Variants in GLIS3 observed in about 807,000 individuals in gnomAD.
GLIS3 encodes the protein GLIS family zinc finger 3.
GLIS3 carries 53 observed loss-of-function variants against 78.6 expected under a neutral mutation model. The ratio of observed to expected loss-of-function variants is 0.67; its 90% CI spans 0.54 to 0.85. The LOEUF is 0.85. GLIS3 is among the 40% of genes least tolerant of loss of function. The pLI is 0.00. For missense variants in GLIS3, 1,703 were observed against 1,231.1 expected, an observed-to-expected ratio of 1.38 and a Z score of -5.74; for synonymous variants, 684 against 509.9, an observed-to-expected ratio of 1.34 and a Z score of -4.60.
chr9:4,073,143 G>A (rs1038992805), intron 4 of GLIS3, among the ~76,000 whole-genome samples: 2 of 152,068 alleles, frequency 1.3e-5, no homozygotes, highest in African/African-American at 4.8e-5. Context: ...TTGCACGCCT[G>A]TTCCTCAAAC....
intron 2 of GLIS3, among the ~76,000 whole-genome samples, chr9:4,222,072 A>C (rs969480746): frequency 2.0e-5 from 3 of 152,146 alleles, no homozygotes; most frequent in Non-Finnish European, 4.4e-5. Context: ...ATCCAGATTT[A>C]TCTGGTTTTG....
chr9:4,140,109 A>T (rs978910555), intron 2 of GLIS3, among the ~76,000 whole-genome samples: 1 of 152,212 alleles, frequency 6.6e-6, no homozygotes, highest in Non-Finnish European at 1.5e-5. Context: ...AGATCGCTTG[A>T]GCTCTGGAGT....
At chr9:4,408,105 C>T in the GLIS3 span, among the ~76,000 whole-genome samples, 215 of 152,176 alleles carry the variant, frequency 1.4e-3, no homozygotes, top group African/African-American at 4.9e-3. Context: ...TTATCCAAGT[C>T]AGGCAATAAC....
chr9:4,085,877 C>T (rs1828980891), intron 4 of GLIS3, among the ~76,000 whole-genome samples: 1 of 152,170 alleles, frequency 6.6e-6, no homozygotes, highest in African/African-American at 2.4e-5. Context: ...AAGCACATGC[C>T]ACTATGCTTC....
At chr9:4,184,632 T>C (rs1817609754) in intron 2 of GLIS3, among the ~76,000 whole-genome samples, 1 of 152,202 alleles carries the variant, frequency 6.6e-6, no homozygotes, top group Non-Finnish European at 1.5e-5. Context: ...CCCAGGTTGG[T>C]ACTTCATGTA....
At chr9:3,906,350 C>A (rs1330009712) in intron 6 of GLIS3, among the ~76,000 whole-genome samples, 1 of 152,106 alleles carries the variant, frequency 6.6e-6, no homozygotes, top group East Asian at 1.9e-4. Flanking sequence ...CTTGAGGGAA[C>A]CAGAGGGGGT....
intron 2 of GLIS3, among the ~76,000 whole-genome samples, chr9:4,189,651 G>A (rs1455438055): frequency 1.3e-5 from 2 of 152,142 alleles, no homozygotes; most frequent in East Asian, 3.9e-4. Flanking sequence ...AGGTCACTCA[G>A]GACTTGCTTT....
At chr9:4,100,670 A>C (rs920700846) in intron 4 of GLIS3, among the ~76,000 whole-genome samples, 2 of 152,132 alleles carry the variant, frequency 1.3e-5, no homozygotes, top group Non-Finnish European at 2.9e-5. Context: ...GACTCAGTTG[A>C]CTGTTTCTAC....
At chr9:4,431,045 C>A in the GLIS3 span, among the ~76,000 whole-genome samples, 3 of 152,220 alleles carry the variant, frequency 2.0e-5, no homozygotes, top group Admixed American at 6.5e-5. Flanking sequence ...TCAGTTGAAT[C>A]CCAACCAAGT....
chr9:4,383,919 T>G, the GLIS3 span, among the ~76,000 whole-genome samples: 1 of 152,138 alleles, frequency 6.6e-6, no homozygotes, highest in Non-Finnish European at 1.5e-5. Flanking sequence ...AGCTAGGTGG[T>G]CCTAGAGAGA....
At chr9:4,067,143 G>C (rs1827170197) in intron 4 of GLIS3, among the ~76,000 whole-genome samples, 1 of 145,864 alleles carries the variant, frequency 6.9e-6, no homozygotes, top group South Asian at 2.2e-4. Flanking sequence ...CATTCATGTA[G>C]ACTTAGAATC....
chr9:4,418,001 G>C, the GLIS3 span, among the ~76,000 whole-genome samples: 2 of 152,070 alleles, frequency 1.3e-5, no homozygotes, highest in Admixed American at 1.3e-4. Flanking sequence ...AGCATTCCTG[G>C]CTCCTGTCCA....
chr9:4,396,919 G>A, the GLIS3 span, among the ~76,000 whole-genome samples: 2 of 151,898 alleles, frequency 1.3e-5, no homozygotes, highest in Admixed American at 6.6e-5. Context: ...CGTGTTTTCT[G>A]GGAAAACGCC....
intron 2 of GLIS3, among the ~76,000 whole-genome samples, chr9:4,166,973 C>G (rs182082055): frequency 5.7e-4 from 87 of 152,300 alleles, no homozygotes; most frequent in Admixed American, 2.0e-3. Flanking sequence ...TTGCGAACAA[C>G]TCCAAAAATC....
At chr9:4,099,711 C>A (rs1362220041) in intron 4 of GLIS3, among the ~76,000 whole-genome samples, 1 of 152,154 alleles carries the variant, frequency 6.6e-6, no homozygotes, top group Non-Finnish European at 1.5e-5. Flanking sequence ...AACTTAATTT[C>A]TATTGGTTTC....
chr9:4,290,120 G>A (rs1217575519), intron 1 of GLIS3, among the ~76,000 whole-genome samples: 4 of 152,074 alleles, frequency 2.6e-5, no homozygotes, highest in Admixed American at 2.6e-4. Flanking sequence ...TACAGCTAAA[G>A]GCCCTTTCTT....
At chr9:4,202,367 G>T (rs1412671357) in intron 2 of GLIS3, among the ~76,000 whole-genome samples, 1 of 150,914 alleles carries the variant, frequency 6.6e-6, no homozygotes, top group African/African-American at 2.4e-5. Flanking sequence ...TCACCAGGAT[G>T]GTCTGGAACT....
chr9:4,033,331 G>A (rs1011808535), intron 4 of GLIS3, among the ~76,000 whole-genome samples: 7 of 152,020 alleles, frequency 4.6e-5, no homozygotes, highest in South Asian at 2.1e-4. Context: ...AGGCTGCAGC[G>A]CACCCACTTC....
chr9:3,943,525 T>C (rs1816085048), intron 4 of GLIS3, among the ~76,000 whole-genome samples: 1 of 152,250 alleles, frequency 6.6e-6, no homozygotes, highest in African/African-American at 2.4e-5. Flanking sequence ...TCAAAGGTTC[T>C]ACCCAGAGTA....
Sources: allele counts gnomAD v4.1 joint callset (sites outside exome capture counted in the v4.1 genomes callset), GRCh38; gene constraint gnomAD v4.1.1; transcripts MANE v1.5; gene names NCBI Gene and HGNC (gene_info 2026-07-23, HGNC 2026-07-21).